PARD3: variants seen among roughly 807,000 people sequenced by gnomAD.
The protein encoded by PARD3 is partitioning defective 3 homolog.
In PARD3, 75 loss-of-function variants were observed where a neutral mutation model predicts 155.4. That is an observed-to-expected ratio of 0.48 (90% CI 0.40 to 0.58). PARD3 has a LOEUF of 0.58. Among genes scored for constraint, PARD3 ranks in the 20% least tolerant of loss-of-function variants. The probability of loss-of-function intolerance (pLI) is 0.00; values close to 1 mark genes in which losing one functional copy is unlikely to be tolerated. For missense variants in PARD3, 1,642 were observed against 1,721.7 expected (o/e 0.95, Z 0.82); for synonymous variants, 576 against 610.5 (o/e 0.94, Z 0.83).
At chr10:34,391,640 T>G in intron 7 of PARD3, among the ~76,000 whole-genome samples, 1 of 152,196 alleles carries the variant, frequency 6.6e-6, no homozygotes, top group Non-Finnish European at 1.5e-5. Context: ...GGGGAAATTA[T>G]TCAAGACATG....
At chr10:34,303,068 T>TAA (rs1564564311) in intron 20 of PARD3, among the ~76,000 whole-genome samples, 487 of 47,438 alleles carry the variant, frequency 0.01, 5 homozygotes, top group African/African-American at 0.053. Context: ...AAACCAAGTT[T>TAA]TAAAAAAAAA....
intron 2 of PARD3, among the ~76,000 whole-genome samples, chr10:34,604,200 A>C (rs535975333): frequency 6.6e-6 from 1 of 152,308 alleles, no homozygotes; most frequent in Non-Finnish European, 1.5e-5. Context: ...TGAGATGGTT[A>C]ATACCAAGTG....
intron 5 of PARD3, among the ~76,000 whole-genome samples, chr10:34,409,790 T>C (rs986053703): frequency 3.9e-5 from 6 of 152,244 alleles, no homozygotes; most frequent in African/African-American, 1.4e-4. Flanking sequence ...GCTATGTATT[T>C]GTTGCATTGT....
intron 2 of PARD3, among the ~76,000 whole-genome samples, chr10:34,681,267 T>C (rs922222924): frequency 6.6e-6 from 1 of 152,168 alleles, no homozygotes; most frequent in African/African-American, 2.4e-5. Context: ...TTATTTGCAT[T>C]GTATTTTAAA....
chr10:34,179,536 G>T (rs193232826), intron 22 of PARD3, among the ~76,000 whole-genome samples: 10 of 152,122 alleles, frequency 6.6e-5, no homozygotes, highest in Non-Finnish European at 1.5e-4. Context: ...CCAGAAAATC[G>T]CTGTAACAAT....
chr10:34,440,524 A>G (rs1047452015), intron 5 of PARD3, among the ~76,000 whole-genome samples: 2 of 152,124 alleles, frequency 1.3e-5, no homozygotes, highest in African/African-American at 4.8e-5. Flanking sequence ...CCGTAGTGCA[A>G]GCTCTAAATG....
intron 2 of PARD3, among the ~76,000 whole-genome samples, chr10:34,623,947 T>TCCAG (rs1442490876): frequency 1.4e-5 from 2 of 147,310 alleles, no homozygotes; most frequent in Non-Finnish European, 3.0e-5. Context: ...ACCACTGCAC[T>TCCAG]CCAGCCTGGG....
At chr10:34,791,745 T>C (rs891502839) in intron 1 of PARD3, among the ~76,000 whole-genome samples, 3 of 151,082 alleles carry the variant, frequency 2.0e-5, no homozygotes, top group Non-Finnish European at 2.9e-5. Flanking sequence ...GTGGCAGAAG[T>C]GGGAGGACCA....
intron 1 of PARD3, among the ~76,000 whole-genome samples, chr10:34,712,215 T>G (rs1398967956): frequency 6.6e-6 from 1 of 152,186 alleles, no homozygotes; most frequent in East Asian, 1.9e-4. Context: ...CCTGATGAAC[T>G]GGTAGACAGA....
At chr10:34,402,129 G>A (rs1267252566) in intron 5 of PARD3, among the ~76,000 whole-genome samples, 3 of 151,936 alleles carry the variant, frequency 2.0e-5, no homozygotes, top group Non-Finnish European at 4.4e-5. Context: ...ATCCCAGAAG[G>A]TGAATAAGAT....
intron 1 of PARD3, among the ~76,000 whole-genome samples, chr10:34,806,440 C>T (rs546778356): frequency 3.9e-5 from 6 of 152,130 alleles, no homozygotes; most frequent in Non-Finnish European, 5.9e-5. Context: ...CCACCCACCT[C>T]GGCCTCCCAA....
intron 2 of PARD3, among the ~76,000 whole-genome samples, chr10:34,615,814 C>T (rs2091212278): frequency 6.6e-6 from 1 of 152,102 alleles, no homozygotes; most frequent in Admixed American, 6.5e-5. Flanking sequence ...AGAAGACATA[C>T]AAATGGCCAA....
At chr10:34,592,091 C>G (rs144253915) in intron 2 of PARD3, among the ~76,000 whole-genome samples, 2 of 150,890 alleles carry the variant, frequency 1.3e-5, no homozygotes, top group African/African-American at 4.9e-5. Flanking sequence ...CAGACCCAAA[C>G]TTTAGGCGCT....
At chr10:34,355,940 AAAAAAACAAAACAAAACC>A (rs1316499953) in intron 14 of PARD3, among the ~76,000 whole-genome samples, 9 of 117,054 alleles carry the variant, frequency 7.7e-5, no homozygotes, top group African/African-American at 3.4e-4. Context: ...AAAAAAAAAA[AAAAAAACAAAACAAAACC>A]AAACAAAAAA....
chr10:34,384,400 A>C (rs1369588725), intron 7 of PARD3, 146 bp from the exon 8 acceptor site: 3 of 777,040 alleles, frequency 3.9e-6, no homozygotes, highest in Non-Finnish European at 6.1e-6. Context: ...TTTAAATGAC[A>C]GACAAAAACC....
At chr10:34,532,952 AC>A (rs1300443439) in intron 2 of PARD3, among the ~76,000 whole-genome samples, 1 of 152,320 alleles carries the variant, frequency 6.6e-6, no homozygotes, top group Non-Finnish European at 1.5e-5. Context: ...ACCCTATTAC[AC>A]ACCTAAGCTA....
At chr10:34,624,706 A>G (rs1019616865) in intron 2 of PARD3, among the ~76,000 whole-genome samples, 1 of 152,242 alleles carries the variant, frequency 6.6e-6, no homozygotes, top group Admixed American at 6.5e-5. Context: ...TGCCCTGCAC[A>G]GGCCCCTCTG....
intron 22 of PARD3, among the ~76,000 whole-genome samples, chr10:34,166,361 C>T (rs1327539114): frequency 1.3e-5 from 2 of 151,860 alleles, no homozygotes; most frequent in Non-Finnish European, 2.9e-5. Flanking sequence ...ACTTGTAATC[C>T]CAGCTCTATG....
intron 22 of PARD3, among the ~76,000 whole-genome samples, chr10:34,241,636 C>T (rs989796155): frequency 6.6e-6 from 1 of 152,138 alleles, no homozygotes; most frequent in Non-Finnish European, 1.5e-5. Context: ...AATGAAGGGC[C>T]ATCAAGATGT....
Sources: allele counts gnomAD v4.1 joint callset (sites outside exome capture counted in the v4.1 genomes callset), GRCh38; gene constraint gnomAD v4.1.1; transcripts MANE v1.5; gene names NCBI Gene and HGNC (gene_info 2026-07-23, HGNC 2026-07-21).